The following HS6ST3 variants were observed in gnomAD, a reference collection of about 807,000 sequenced individuals.
HS6ST3 encodes the protein heparan-sulfate 6-O-sulfotransferase 3.
A neutral mutation model predicts 36.7 loss-of-function variants in HS6ST3; 12 were observed. The ratio of observed to expected loss-of-function variants is 0.33; its 90% confidence interval spans 0.21 to 0.53. The LOEUF is 0.53. HS6ST3 is among the 20% of genes least tolerant of loss of function. HS6ST3 has a pLI of 0.95. For missense variants in HS6ST3, 584 were observed against 640.9 expected (o/e 0.91, Z 0.96); for synonymous variants, 240 against 257.5 (o/e 0.93, Z 0.65).
chr13:96,732,154 C>A (rs1292769672), intron 1 of HS6ST3, among the ~76,000 whole-genome samples: 1 of 152,146 alleles, frequency 6.6e-6, no homozygotes, highest in Non-Finnish European at 1.5e-5. Flanking sequence ...CCTGATGATT[C>A]ATGAAACTGA....
chr13:96,168,601 G>T (rs1053519699), intron 1 of HS6ST3, among the ~76,000 whole-genome samples: 1 of 151,770 alleles, frequency 6.6e-6, no homozygotes, highest in Non-Finnish European at 1.5e-5. Context: ...CTACTCAGGA[G>T]GCTAAGGCAG....
At chr13:96,383,842 T>TCA (rs911168893) in intron 1 of HS6ST3, among the ~76,000 whole-genome samples, 1 of 151,958 alleles carries the variant, frequency 6.6e-6, no homozygotes, top group African/African-American at 2.4e-5. Flanking sequence ...CGAGGTTAGG[T>TCA]CAGAGGTCAG....
intron 1 of HS6ST3, among the ~76,000 whole-genome samples, chr13:96,290,949 T>A (rs1046095329): frequency 5.3e-5 from 8 of 152,178 alleles, no homozygotes; most frequent in African/African-American, 1.9e-4. Context: ...TTGCTGGTAA[T>A]GCCCTTCTCT....
At chr13:96,626,822 T>G (rs1226800114) in intron 1 of HS6ST3, among the ~76,000 whole-genome samples, 1 of 152,112 alleles carries the variant, frequency 6.6e-6, no homozygotes, top group Non-Finnish European at 1.5e-5. Context: ...TTTGATGCTA[T>G]TCTACATAGT....
intron 1 of HS6ST3, among the ~76,000 whole-genome samples, chr13:96,432,418 T>C (rs546260229): frequency 6.6e-6 from 1 of 152,318 alleles, no homozygotes; most frequent in African/African-American, 2.4e-5. Flanking sequence ...TCTTTTCTTT[T>C]AAAAGATATC....
At chr13:96,379,960 A>G (rs550270469) in intron 1 of HS6ST3, among the ~76,000 whole-genome samples, 3 of 152,200 alleles carry the variant, frequency 2.0e-5, no homozygotes, top group Non-Finnish European at 4.4e-5. Flanking sequence ...ACCAGTTTCT[A>G]TTAAAATGAT....
At chr13:96,586,325 T>C (rs2056361137) in intron 1 of HS6ST3, among the ~76,000 whole-genome samples, 1 of 152,140 alleles carries the variant, frequency 6.6e-6, no homozygotes, top group African/African-American at 2.4e-5. Context: ...AGATGATGTC[T>C]AGCTCTGTCG....
chr13:96,585,230 TCTTC>T (rs1219868866), intron 1 of HS6ST3, among the ~76,000 whole-genome samples: 1 of 152,174 alleles, frequency 6.6e-6, no homozygotes, highest in Non-Finnish European at 1.5e-5. Context: ...AGGACTTTTT[TCTTC>T]CTTTTTATAG....
intron 1 of HS6ST3, among the ~76,000 whole-genome samples, chr13:96,731,334 T>C (rs1166249337): frequency 1.3e-5 from 2 of 152,190 alleles, no homozygotes; most frequent in East Asian, 3.9e-4. Context: ...AGTCATGTGG[T>C]ATTTGTCTTT....
At chr13:96,811,464 A>G (rs1390151126) in intron 1 of HS6ST3, among the ~76,000 whole-genome samples, 2 of 152,240 alleles carry the variant, frequency 1.3e-5, no homozygotes, top group Non-Finnish European at 2.9e-5. Flanking sequence ...AAGTGCAGTT[A>G]TTTGAGAAAA....
At chr13:96,653,239 T>C (rs2056613582) in intron 1 of HS6ST3, among the ~76,000 whole-genome samples, 1 of 152,132 alleles carries the variant, frequency 6.6e-6, no homozygotes, top group South Asian at 2.1e-4. Context: ...CTTTAAGTTC[T>C]GGGATACATG....
At chr13:96,278,019 C>T (rs2054756584) in intron 1 of HS6ST3, among the ~76,000 whole-genome samples, 1 of 152,144 alleles carries the variant, frequency 6.6e-6, no homozygotes, top group South Asian at 2.1e-4. Context: ...ATAATGAGGA[C>T]TCCGTTAATA....
At chr13:96,514,024 G>A (rs2056061574) in intron 1 of HS6ST3, among the ~76,000 whole-genome samples, 2 of 152,104 alleles carry the variant, frequency 1.3e-5, no homozygotes, top group African/African-American at 4.8e-5. Context: ...GTGGGCAGGA[G>A]CCTGACCGTG....
intron 1 of HS6ST3, among the ~76,000 whole-genome samples, chr13:96,256,156 C>T (rs185832149): frequency 3.9e-5 from 6 of 152,218 alleles, no homozygotes; most frequent in Admixed American, 1.3e-4. Flanking sequence ...ATGGTAGTGC[C>T]GTCATGCCAT....
intron 1 of HS6ST3, among the ~76,000 whole-genome samples, chr13:96,221,177 A>T (rs182897597): frequency 6.6e-6 from 1 of 152,082 alleles, no homozygotes; most frequent in Non-Finnish European, 1.5e-5. Flanking sequence ...TTGAGAAACT[A>T]CTTTGTGATA....
chr13:96,662,040 C>T (rs138039843), intron 1 of HS6ST3, among the ~76,000 whole-genome samples: 161 of 152,102 alleles, frequency 1.1e-3, no homozygotes, highest in South Asian at 2.1e-3. Context: ...TTTTCCTTTA[C>T]GTGGACTTTG....
intron 1 of HS6ST3, among the ~76,000 whole-genome samples, chr13:96,610,881 C>A (rs1290012757): frequency 6.6e-6 from 1 of 151,130 alleles, no homozygotes; most frequent in Non-Finnish European, 1.5e-5. Flanking sequence ...ACAAAACAAC[C>A]CCACAACTTC....
chr13:96,230,743 A>G (rs991826346), intron 1 of HS6ST3, among the ~76,000 whole-genome samples: 2 of 152,178 alleles, frequency 1.3e-5, no homozygotes, highest in Non-Finnish European at 2.9e-5. Context: ...GGGGGCCTCA[A>G]AGTCAAGAGA....
At chr13:96,712,554 G>C (rs185619094) in intron 1 of HS6ST3, among the ~76,000 whole-genome samples, 100 of 152,228 alleles carry the variant, frequency 6.6e-4, no homozygotes, top group African/African-American at 2.2e-3. Context: ...TAATAAACTC[G>C]CCACCAGCAC....
Sources: gnomAD v4.1 joint callset for allele counts (sites outside exome capture counted in the v4.1 genomes callset) on GRCh38, gnomAD v4.1.1 for gene constraint, MANE v1.5 for transcripts, NCBI Gene and HGNC (gene_info 2026-07-23, HGNC 2026-07-21) for gene names.